Variants in PLCB1 observed in about 807,000 individuals in gnomAD.
PLCB1 encodes phospholipase C beta 1.
PLCB1 carries 46 observed loss-of-function variants against 161.8 expected under a neutral mutation model. The observed-to-expected ratio is 0.28, with a 90% CI of 0.22 to 0.36. The LOEUF is 0.36. PLCB1 is among the 10% of genes least tolerant of loss of function. The probability of loss-of-function intolerance (pLI) is 1.00; values close to 1 mark genes in which losing one functional copy is unlikely to be tolerated. For missense variants in PLCB1, 1,016 were observed against 1,472.5 expected, an observed-to-expected ratio of 0.69 and a Z score of 5.07; for synonymous variants, 517 against 503.7, an observed-to-expected ratio of 1.03 and a Z score of -0.35.
At chr20:8,636,228 T>C (rs1015863005) in intron 4 of PLCB1, among the ~76,000 whole-genome samples, 1 of 152,162 alleles carries the variant, frequency 6.6e-6, no homozygotes, top group African/African-American at 2.4e-5. Flanking sequence ...ATCCATGTTA[T>C]TGTGTTTTGT....
intron 3 of PLCB1, among the ~76,000 whole-genome samples, chr20:8,474,610 A>G (rs1241697471): frequency 2.6e-5 from 4 of 152,116 alleles, no homozygotes; most frequent in Admixed American, 6.5e-5. Context: ...GGGACTGACT[A>G]TTGAGCCATA....
At chr20:8,284,478 C>T (rs554875683) in intron 2 of PLCB1, among the ~76,000 whole-genome samples, 1 of 152,238 alleles carries the variant, frequency 6.6e-6, no homozygotes, top group East Asian at 1.9e-4. Context: ...TGGCTCATGC[C>T]TGTGATCCCA....
chr20:8,849,075 A>T (rs1302193308), intron 31 of PLCB1, among the ~76,000 whole-genome samples: 1 of 152,202 alleles, frequency 6.6e-6, no homozygotes, highest in Admixed American at 6.5e-5. Flanking sequence ...AGAGAGGGAA[A>T]TTTAGGCTGA....
intron 4 of PLCB1, 50 bp downstream of exon 4, chr20:8,628,481 G>A (rs1315839594): frequency 4.4e-6 from 7 of 1,596,892 alleles, no homozygotes; most frequent in Non-Finnish European, 6.0e-6. Context: ...CTGAATCCTT[G>A]AGCTATCATA....
At chr20:8,646,021 T>C in intron 4 of PLCB1, 81 bp from the exon 5 acceptor site, 1 of 948,450 alleles carries the variant, frequency 1.1e-6, no homozygotes. Flanking sequence ...CTAATGTGTC[T>C]TCCTGGAAGC....
At chr20:8,659,655 G>A (rs955243017) in intron 9 of PLCB1, among the ~76,000 whole-genome samples, 11 of 152,096 alleles carry the variant, frequency 7.2e-5, no homozygotes, top group African/African-American at 2.4e-4. Flanking sequence ...AATCCATTGT[G>A]TTTAATCTGG....
intron 3 of PLCB1, among the ~76,000 whole-genome samples, chr20:8,619,784 G>C (rs1190142645): frequency 6.6e-6 from 1 of 152,166 alleles, no homozygotes; most frequent in South Asian, 2.1e-4. Context: ...CAAAATTAAA[G>C]TGCAAATGTT....
At chr20:8,386,398 A>C (rs1987427542) in intron 3 of PLCB1, among the ~76,000 whole-genome samples, 1 of 152,208 alleles carries the variant, frequency 6.6e-6, no homozygotes, top group Admixed American at 6.5e-5. Flanking sequence ...TTTTGTGGCC[A>C]GGTGCATTGT....
chr20:8,766,791 A>G (rs1982339179), intron 26 of PLCB1, among the ~76,000 whole-genome samples: 1 of 152,104 alleles, frequency 6.6e-6, no homozygotes, highest in Non-Finnish European at 1.5e-5. Flanking sequence ...CCATGTCTGA[A>G]TTGGGGCCTG....
intron 2 of PLCB1, among the ~76,000 whole-genome samples, chr20:8,327,289 A>G (rs1985194536): frequency 6.6e-6 from 1 of 152,202 alleles, no homozygotes; most frequent in South Asian, 2.1e-4. Flanking sequence ...GTTCCGCCAT[A>G]TGCTAAAGTA....
chr20:8,741,675 G>A (rs1381045791), intron 23 of PLCB1, 102 bp downstream of exon 23: 3 of 698,618 alleles, frequency 4.3e-6, no homozygotes, highest in Non-Finnish European at 7.8e-6. Flanking sequence ...AGAAGGAATA[G>A]CACATTGGAA....
At chr20:8,422,368 G>A (rs1281003504) in intron 3 of PLCB1, among the ~76,000 whole-genome samples, 4 of 152,200 alleles carry the variant, frequency 2.6e-5, no homozygotes, top group African/African-American at 4.8e-5. Flanking sequence ...GAATCAAAAT[G>A]CTACTCATTA....
chr20:8,834,810 GAAA>G (rs10568816), intron 31 of PLCB1, among the ~76,000 whole-genome samples: 3 of 85,594 alleles, frequency 3.5e-5, no homozygotes, highest in African/African-American at 1.4e-4. Flanking sequence ...CTCTGCCTCA[GAAA>G]AAAAAAAAAA....
intron 2 of PLCB1, among the ~76,000 whole-genome samples, chr20:8,352,026 A>G (rs1986196736): frequency 6.6e-6 from 1 of 152,134 alleles, no homozygotes; most frequent in Non-Finnish European, 1.5e-5. Context: ...ATGTCCCACA[A>G]AAACCTGCAT....
At chr20:8,136,644 A>G (rs1313842129) in intron 1 of PLCB1, among the ~76,000 whole-genome samples, 3 of 146,620 alleles carry the variant, frequency 2.0e-5, no homozygotes, top group South Asian at 2.2e-4. Flanking sequence ...AAAAAAAGTT[A>G]TTGTCCCTCA....
intron 2 of PLCB1, among the ~76,000 whole-genome samples, chr20:8,363,762 G>A (rs767806882): frequency 2.9e-4 from 44 of 152,204 alleles, no homozygotes; most frequent in Admixed American, 3.9e-4. Flanking sequence ...CCCACCAAAG[G>A]TAGGCAAAAA....
chr20:8,869,520 A>G (rs974009748), intron 31 of PLCB1, among the ~76,000 whole-genome samples: 11 of 152,198 alleles, frequency 7.2e-5, no homozygotes, highest in African/African-American at 2.7e-4. Context: ...TTGGGTATGT[A>G]TATAAAGCAA....
intron 23 of PLCB1, chr20:8,751,774 C>G (rs1436342273): frequency 6.6e-6 from 1 of 152,022 alleles, no homozygotes; most frequent in African/African-American, 2.4e-5. Flanking sequence ...TTGATAATTG[C>G]TTAATTGGAA....
chr20:8,219,892 A>C (rs1241103218), intron 2 of PLCB1, among the ~76,000 whole-genome samples: 1 of 152,154 alleles, frequency 6.6e-6, no homozygotes, highest in Non-Finnish European at 1.5e-5. Context: ...CCATTTAAAC[A>C]ACGTGAGGGT....
Sources: allele counts gnomAD v4.1 joint callset (sites outside exome capture counted in the v4.1 genomes callset), GRCh38; gene constraint gnomAD v4.1.1; transcripts MANE v1.5; gene names NCBI Gene and HGNC (gene_info 2026-07-23, HGNC 2026-07-21).